The following C15orf39 variants were observed in gnomAD, a reference collection of about 807,000 sequenced individuals.
C15orf39 encodes the protein PRMT2 interacting protein, also known as uncharacterized protein C15orf39.
A neutral mutation model predicts 53.9 loss-of-function variants in C15orf39; 24 were observed. That is an observed-to-expected ratio of 0.45 (90% CI 0.32 to 0.63). C15orf39 has a LOEUF of 0.63. Ranked by LOEUF, C15orf39 falls within the 20% of genes least tolerant of loss-of-function variation. C15orf39 has a pLI of 0.04. For missense variants in C15orf39, 1,271 were observed against 1,347.9 expected, an observed-to-expected ratio of 0.94 and a Z score of 0.89; for synonymous variants, 569 against 576.5, an observed-to-expected ratio of 0.99 and a Z score of 0.19.
At chr15:75,210,676 G>T in intron 2 of C15orf39, 73 bp from the exon 3 acceptor site, 3 of 1,519,858 alleles carry the variant, frequency 2.0e-6, no homozygotes, top group Non-Finnish European at 2.6e-6. Context: ...GCACTGTTTG[G>T]ATGGCTTTGG....
In C15orf39 at chr15:75,207,904, A is replaced by G. The variant is rs1472949209; in HGVS notation, c.1856A>G (p.Lys619Arg). The G allele has an allele frequency of 2.3e-5, 37 of 1,613,676 alleles. No individual in the cohort carries two copies. The highest frequency in any genetic ancestry group is 3.1e-5 in the Non-Finnish European group (36 of 1,180,012). The change falls in exon 2 of 3, where the codon AAA becomes AGA. Residue 619 changes from lysine to arginine, a missense_variant. This residue lies in a region of C15orf39 where 994 missense variants were observed against 993.7 expected (regional missense o/e 1.00). Coordinates refer to ENST00000394987, the MANE Select transcript of C15orf39 (RefSeq NM_015492.5). Reference sequence around the variant, plus strand: ...ATGGTGTCAGATCTGCCAGGCCTGAAAAAGATAGACACAGAAGCACCAGGC... The same window carrying G: ...ATGGTGTCAGATCTGCCAGGCCTGAGAAAGATAGACACAGAAGCACCAGGC... The part of the protein sequence containing the change: ...GNMVSDLPGL[K>R]KIDTEAPGLP...
In C15orf39 at chr15:75,206,772, A is replaced by G. The variant is rs539327340; in HGVS notation, c.724A>G (p.Met242Val). ...GPYPRNSKQAMSEGPSSPWTQ... is the reference protein window; with the variant it reads ...GPYPRNSKQAVSEGPSSPWTQ... ...TTACCCTAGGAACTCCAAGCAAGCAATGTCTGAGGGGCCCTCAAGTCCTTG... is the reference window on the plus strand; with the variant it reads ...TTACCCTAGGAACTCCAAGCAAGCAGTGTCTGAGGGGCCCTCAAGTCCTTG... The change falls in exon 2 of 3, where the codon ATG (methionine) becomes GTG (valine). Residue 242 changes from methionine to valine, a missense_variant. Physicochemically the swap from Met to Val is conservative, Grantham distance 21. Coordinates refer to ENST00000394987, the MANE Select transcript of C15orf39 (RefSeq NM_015492.5). 2 of 1,612,234 alleles carry G rather than the reference A, an allele frequency of 1.2e-6. No individual in the cohort carries two copies. Among genetic ancestry groups the G allele is most frequent in the African/African-American group, 1.3e-5 (1 of 74,980 alleles).
rs1009941950 is a variant in C15orf39, at chr15:75,208,209, C to T, written c.2161C>T (p.Pro721Ser). The change falls in exon 2 of 3, where the codon CCT (proline) becomes TCT (serine). Residue 721 changes from proline (P) to serine (S), a missense_variant. Pro to Ser is a moderately conservative substitution (Grantham distance 74, BLOSUM62 -1). Around this residue, in one of 2 missense-constraint regions of C15orf39, gnomAD observed 994 missense variants for 993.7 expected, o/e 1.00. Transcript: ENST00000394987. ...AGCCGTAGCTGTGGCCTCCCCTGCC[C>T]CTGCTCCAGCTCCATCCCCTGCTCC... ...PPAVAVASPA[P>S]APAPSPAPAR... is the part of the protein sequence containing the mutation. 2.5e-6 allele frequency: 4 copies of T among 1,613,648 alleles called. No homozygotes were observed. The highest frequency in any genetic ancestry group is 3.4e-6 in the Non-Finnish European group (4 of 1,179,928).
chr15:75,206,273 C>T lies in C15orf39; in HGVS notation c.225C>T (p.Thr75=), dbSNP rs749277296. The T allele has an allele frequency of 2.7e-5, 43 of 1,613,974 alleles. No individual in the cohort carries two copies. The highest frequency in any genetic ancestry group is 4.4e-5 in the South Asian group (4 of 91,086). The part of the protein sequence containing the change: ...SWTPYPPLYS[T]GMAGPPLQAD... ...CCCCATACCCACCCTTGTACTCTACCGGTATGGCAGGACCCCCACTTCAGG... is the reference window on the plus strand; with the variant it reads ...CCCCATACCCACCCTTGTACTCTACTGGTATGGCAGGACCCCCACTTCAGG... The change falls in exon 2 of 3, where the codon ACC becomes ACT. Residue 75 remains threonine (T), a synonymous_variant. Coordinates refer to ENST00000394987, the MANE Select transcript of C15orf39 (RefSeq NM_015492.5).
rs567984902 is a variant in C15orf39, at chr15:75,205,725, A to G, written c.-50-274A>G. Among the ~76,000 whole-genome samples, 39 of 152,190 alleles carry G rather than the reference A, an allele frequency of 2.6e-4. 1 individual carries two copies. Among genetic ancestry groups the G allele is most frequent in the Non-Finnish European group, 3.4e-4 (23 of 68,012 alleles). On this transcript the variant is annotated intron_variant, in intron 1 of 2. Transcript: ENST00000394987. ...TGGTCCCAGCAACCTGGGAGTTGGG[A>G]GAATCACTTGAGCCCAGGAGGTTGA...
Position 75,206,438 on chromosome 15 carries a change from C to G in C15orf39, c.390C>G (p.Pro130=). 6.2e-7 allele frequency: 1 copy of G among 1,614,058 alleles called. No homozygotes were observed. Among genetic ancestry groups the G allele is most frequent in the South Asian group, 1.1e-5 (1 of 91,068 alleles). The change falls in exon 2 of 3, where the codon CCC becomes CCG. Residue 130 remains proline, a synonymous_variant. Coordinates refer to ENST00000394987, the MANE Select transcript of C15orf39 (RefSeq NM_015492.5). ...ACCCAGGCCCACCACTGGCAGCACC[C>G]AAACCTGTCTACCGCAACCCTCTGT... The part of the protein sequence containing the change: ...HSYPGPPLAA[P]KPVYRNPLCY...
At position 75,208,261 on chromosome 15, in the gene C15orf39, C is replaced by T; in HGVS notation, c.2213C>T (p.Ala738Val). The T allele has an allele frequency of 1.3e-6, 2 of 1,595,396 alleles. No individual in the cohort carries two copies. The highest frequency in any genetic ancestry group is 1.8e-5 in the Admixed American group (1 of 56,516). ...APARAQAPAS[A>V]RDPAPAPAPV... ...GCTCGAGCTCAGGCTCCAGCTTCAG[C>T]CCGGGATCCAGCTCCAGCTCCAGCT... Residue 738 changes from alanine to valine, a missense_variant, in exon 2 of 3, where the codon GCC becomes GTC. Physicochemically the swap from Ala to Val is moderately conservative, Grantham distance 64. Around this residue, in one of 2 missense-constraint regions of C15orf39, gnomAD observed 994 missense variants for 993.7 expected, o/e 1.00. Transcript: ENST00000394987.
rs1226974481 is a variant in C15orf39, at chr15:75,206,362, A to C, written c.314A>C (p.Gln105Pro). ...CCAGCAGAAGGCCCTGAGAAGATGC[A>C]GGACTCCAGCCCTGTTGAGCTCCTG... ...RSPAEGPEKMQDSSPVELLPF... is the reference protein window; with the variant it reads ...RSPAEGPEKMPDSSPVELLPF... The change falls in exon 2 of 3, where the codon CAG becomes CCG. Residue 105 changes from glutamine to proline, a missense_variant. Gln to Pro is a moderately conservative substitution (Grantham distance 76, BLOSUM62 -1). Transcript: ENST00000394987. 1 of 1,614,058 alleles carries C rather than the reference A, an allele frequency of 6.2e-7. No individual in the cohort carries two copies. Among genetic ancestry groups the C allele is most frequent in the Non-Finnish European group, 8.5e-7 (1 of 1,179,972 alleles).
chr15:75,208,074 G>A lies in C15orf39; in HGVS notation c.2026G>A (p.Ala676Thr). ...VVPSTPTSAP[A>T]PTQPAPTPTS... ...CCCGTCCACGCCCACCTCAGCTCCTGCTCCCACACAGCCTGCACCCACCCC... is the reference window on the plus strand; with the variant it reads ...CCCGTCCACGCCCACCTCAGCTCCTACTCCCACACAGCCTGCACCCACCCC... Residue 676 changes from alanine (A) to threonine (T), a missense_variant, in exon 2 of 3, where the codon GCT becomes ACT. By Grantham distance (58) the Ala-to-Thr change is moderately conservative. This residue lies in a region of C15orf39 where 994 missense variants were observed against 993.7 expected (regional missense o/e 1.00). Coordinates refer to ENST00000394987, the MANE Select transcript of C15orf39 (RefSeq NM_015492.5). 1 of 1,614,066 alleles carries A rather than the reference G, an allele frequency of 6.2e-7. No individual in the cohort carries two copies. Among genetic ancestry groups the A allele is most frequent in the Non-Finnish European group, 8.5e-7 (1 of 1,180,022 alleles).
Position 75,207,581 on chromosome 15 carries a change from C to T in C15orf39, c.1533C>T (p.Pro511=). The T allele has an allele frequency of 6.2e-7, 1 of 1,613,472 alleles. No homozygotes were observed. Among genetic ancestry groups the T allele is most frequent in the Non-Finnish European group, 8.5e-7 (1 of 1,179,988 alleles). Residue 511 remains proline, a synonymous_variant, in exon 2 of 3, where the codon CCC becomes CCT. Transcript: ENST00000394987. The part of the protein sequence containing the change: ...PVIDNVFSLA[P]YRDYLDVPAP... ...TTGACAATGTCTTCAGCCTGGCCCC[C>T]TACCGTGACTATCTGGATGTGCCGG...
At position 75,206,210 on chromosome 15, in the gene C15orf39, T is replaced by C; in HGVS notation, c.162T>C (p.Gly54=). Residue 54 remains glycine (G), a synonymous_variant, in exon 2 of 3, where the codon GGT becomes GGC. Coordinates refer to ENST00000394987, the MANE Select transcript of C15orf39 (RefSeq NM_015492.5). ...KGSYFSCPMA[G]TPKAESEQLA... ...CCTACTTCTCCTGCCCCATGGCAGG[T>C]ACTCCTAAGGCCGAGTCTGAGCAGT... 2 of 1,613,966 alleles carry C rather than the reference T, an allele frequency of 1.2e-6. No homozygotes were observed. Among genetic ancestry groups the C allele is most frequent in the Non-Finnish European group, 1.7e-6 (2 of 1,179,960 alleles).
chr15:75,206,979 A>G lies in C15orf39; in HGVS notation c.931A>G (p.Lys311Glu). The part of the protein sequence containing the change: ...ALPLQPLGGH[K>E]GTGYQAGGLG... The stretch of plus-strand genomic sequence containing the variant: ...CCCACTGCAGCCTCTGGGGGGCCAC[A>G]AGGGGACCGGGTACCAGGCTGGTGG... Residue 311 changes from lysine (K) to glutamate (E), a missense_variant, in exon 2 of 3, where the codon AAG becomes GAG. Physicochemically the swap from Lys to Glu is moderately conservative, Grantham distance 56 (BLOSUM62 1). This residue lies in a region of C15orf39 where 994 missense variants were observed against 993.7 expected (regional missense o/e 1.00). Transcript: ENST00000394987. The G allele has an allele frequency of 1.9e-6, 3 of 1,588,562 alleles. No homozygotes were observed. Among genetic ancestry groups the G allele is most frequent in the Non-Finnish European group, 2.6e-6 (3 of 1,167,874 alleles).
intron 1 of C15orf39, chr15:75,202,492 C>A (rs1245891327): frequency 1.3e-5 from 2 of 152,618 alleles, no homozygotes; most frequent in Non-Finnish European, 2.9e-5. Context: ...CACCGCGGGG[C>A]CCTGGACGCG....
rs140176050 is a variant in C15orf39 at position 75,207,466 on chromosome 15, C to A, written c.1418C>A (p.Pro473His). ...VIRDSPVPCTPPALPPCAREC... is the reference protein window; with the variant it reads ...VIRDSPVPCTHPALPPCAREC... ...CGAGACAGTCCAGTTCCCTGTACCC[C>A]CCCAGCACTGCCCCCCTGTGCCCGG... The change falls in exon 2 of 3, where the codon CCC (proline) becomes CAC (histidine). Residue 473 changes from proline to histidine, a missense_variant. Physicochemically the swap from Pro to His is moderately conservative, Grantham distance 77. Around this residue, in one of 2 missense-constraint regions of C15orf39, gnomAD observed 994 missense variants for 993.7 expected, o/e 1.00. Coordinates refer to ENST00000394987, the MANE Select transcript of C15orf39 (RefSeq NM_015492.5). The A allele has an allele frequency of 1.1e-3, 1,845 of 1,613,640 alleles. 5 individuals carry two copies. Among genetic ancestry groups the A allele is most frequent in the Admixed American group, 1.6e-3 (95 of 60,018 alleles).
At chr15:75,204,651 G>T (rs1272277865) in intron 1 of C15orf39, among the ~76,000 whole-genome samples, 1 of 152,224 alleles carries the variant, frequency 6.6e-6, no homozygotes, top group East Asian at 1.9e-4. Context: ...GGGATTACAG[G>T]CATGCACAAC....
chr15:75,210,677 A>G (rs1236383521), intron 2 of C15orf39, 72 bp from the exon 3 acceptor site: 9 of 1,520,040 alleles, frequency 5.9e-6, no homozygotes, highest in Non-Finnish European at 7.9e-6. Flanking sequence ...CACTGTTTGG[A>G]TGGCTTTGGA....
rs139127411 is a variant in C15orf39, at chr15:75,202,780, A to C, written c.-51+721A>C. On this transcript the variant is annotated intron_variant, in intron 1 of 2. Transcript: ENST00000394987. ...AGATGTGGGCCATGCACGTACGTGC[A>C]GGCACGGGTTTGCATGCGTGGCGGC... Among the ~76,000 whole-genome samples, 95 of 152,308 alleles carry C rather than the reference A, an allele frequency of 6.2e-4. 1 individual carries two copies. The highest frequency in any genetic ancestry group is 5.0e-4 in the Non-Finnish European group (34 of 68,024).
rs1293171946 is a variant in C15orf39, at chr15:75,207,090, G to A, written c.1042G>A (p.Ala348Thr). ...GCTGGACGCTTACCCCTACCCCTCT[G>A]CCCCTCTCCCAGCACCCTCTCCAGG... ...LGLDAYPYPS[A>T]PLPAPSPGLK... The change falls in exon 2 of 3, where the codon GCC becomes ACC. Residue 348 changes from alanine to threonine, a missense_variant. Physicochemically the swap from Ala to Thr is moderately conservative, Grantham distance 58. This residue lies in a region of C15orf39 where 994 missense variants were observed against 993.7 expected (regional missense o/e 1.00). Coordinates refer to ENST00000394987, the MANE Select transcript of C15orf39 (RefSeq NM_015492.5). The A allele has an allele frequency of 1.9e-6, 3 of 1,612,678 alleles. No individual in the cohort carries two copies. The highest frequency in any genetic ancestry group is 2.7e-5 in the African/African-American group (2 of 74,814).
In C15orf39 at chr15:75,207,504, C is replaced by G. The variant is rs1478026112; in HGVS notation, c.1456C>G (p.Leu486Val). 9.9e-6 allele frequency: 16 copies of G among 1,613,558 alleles called. No homozygotes were observed. The highest frequency in any genetic ancestry group is 1.4e-5 in the Non-Finnish European group (16 of 1,179,992). Residue 486 changes from leucine (L) to valine (V), a missense_variant, in exon 2 of 3, where the codon CTT (leucine) becomes GTT (valine). By Grantham distance (32) the Leu-to-Val change is conservative (BLOSUM62 1). Around this residue, in one of 2 missense-constraint regions of C15orf39, gnomAD observed 994 missense variants for 993.7 expected, o/e 1.00. Transcript: ENST00000394987. ...LPPCARECQS[L>V]PQKEGARPPS... Reference sequence around the variant, plus strand: ...CCCCTGTGCCCGGGAGTGCCAGTCTCTTCCACAGAAGGAGGGCGCAAGGCC... The same window carrying G: ...CCCCTGTGCCCGGGAGTGCCAGTCTGTTCCACAGAAGGAGGGCGCAAGGCC...
Sources: gnomAD v4.1 joint callset for allele counts (sites outside exome capture counted in the v4.1 genomes callset) on GRCh38, gnomAD v4.1.1 for gene constraint, gnomAD v4.1.1 regional missense constraint, MANE v1.5 for transcripts, NCBI Gene and HGNC (gene_info 2026-07-23, HGNC 2026-07-21) for gene names.